DAPK1: variants seen among roughly 807,000 people sequenced by gnomAD.
DAPK1 encodes the protein death associated protein kinase 1.
In DAPK1, 56 loss-of-function variants were observed where a neutral mutation model predicts 144.9. The observed-to-expected ratio is 0.39, with a 90% CI of 0.31 to 0.48. The LOEUF (loss-of-function observed/expected upper bound fraction) is 0.48. DAPK1 is among the 20% of genes least tolerant of loss of function. DAPK1 has a pLI of 0.95. For synonymous variants in DAPK1, 690 were observed against 749.0 expected (o/e 0.92, Z 1.29); for missense variants, 1,454 against 1,875.4 (o/e 0.78, Z 4.15).
chr9:87,683,894 C>T (rs1824734985), intron 20 of DAPK1, among the ~76,000 whole-genome samples: 2 of 152,184 alleles, frequency 1.3e-5, no homozygotes, highest in South Asian at 2.1e-4. Flanking sequence ...CTGTCCTGGT[C>T]CCTGGGCCCC....
chr9:87,669,019 G>A (rs979974449), intron 19 of DAPK1: 25 of 219,914 alleles, frequency 1.1e-4, no homozygotes, highest in African/African-American at 5.5e-4. Flanking sequence ...CAAGATGGCT[G>A]TTAAGCTCCT....
chr9:87,532,087 T>C (rs887539933), intron 2 of DAPK1, among the ~76,000 whole-genome samples: 3 of 152,200 alleles, frequency 2.0e-5, no homozygotes, highest in Admixed American at 6.5e-5. Context: ...GATTTCCTCA[T>C]GTTGGCAATC....
chr9:87,701,897 T>C (rs1380516959), intron 24 of DAPK1: 4 of 470,024 alleles, frequency 8.5e-6, no homozygotes, highest in South Asian at 3.1e-5. Context: ...CATCAGAAGA[T>C]AGGGGGTAGT....
chr9:87,686,209 C>T lies in DAPK1; in HGVS notation c.2225-342C>T, dbSNP rs780475319. ...GCAGGAAGTGAGAAGGGAAGAAACC[C>T]GACCTCTGCCCTCCCACCCTCTCCA... On this transcript the variant is annotated intron_variant, in intron 20 of 25. Coordinates refer to ENST00000408954, the MANE Select transcript of DAPK1 (RefSeq NM_004938.4). The surrounding 1 kb of genome is among the most constrained non-coding windows in gnomAD (Gnocchi z 4.2). Among the ~76,000 whole-genome samples the T allele has an allele frequency of 6.6e-6, 1 of 152,144 alleles. No individual in the cohort carries two copies. The highest frequency in any genetic ancestry group is 1.5e-5 in the Non-Finnish European group (1 of 68,034).
chr9:87,644,237 T>C (rs759282581), intron 11 of DAPK1, among the ~76,000 whole-genome samples: 3 of 152,174 alleles, frequency 2.0e-5, no homozygotes, highest in Non-Finnish European at 2.9e-5. Flanking sequence ...AACTGAAACC[T>C]AATCACAGAT....
intron 2 of DAPK1, among the ~76,000 whole-genome samples, chr9:87,560,207 G>A (rs1826861448): frequency 6.6e-6 from 1 of 151,800 alleles, no homozygotes; most frequent in African/African-American, 2.4e-5. Flanking sequence ...TGTTGACCAG[G>A]GTGGTCTAGA....
At chr9:87,649,184 T>A (rs1165394521) in intron 15 of DAPK1, among the ~76,000 whole-genome samples, 1 of 152,234 alleles carries the variant, frequency 6.6e-6, no homozygotes, top group African/African-American at 2.4e-5. Context: ...AGGGAAAGTT[T>A]CTGTAACTTT....
chr9:87,670,386 C>G (rs1831213191), intron 19 of DAPK1, among the ~76,000 whole-genome samples: 1 of 152,138 alleles, frequency 6.6e-6, no homozygotes, highest in African/African-American at 2.4e-5. Flanking sequence ...GAAGAGAAGT[C>G]TGGTTTTTGC....
intron 2 of DAPK1, among the ~76,000 whole-genome samples, chr9:87,538,060 G>A (rs1394109278): frequency 6.6e-6 from 1 of 152,140 alleles, no homozygotes; most frequent in African/African-American, 2.4e-5. Flanking sequence ...AGGTCAAAAG[G>A]ATTCTAATTA....
chr9:87,620,688 G>C (rs886607366), intron 3 of DAPK1, among the ~76,000 whole-genome samples: 1 of 151,686 alleles, frequency 6.6e-6, no homozygotes, highest in East Asian at 1.9e-4. Context: ...AGAGGACAGG[G>C]AGGAGGAGGA....
In DAPK1 at chr9:87,659,931, A is replaced by G. The variant is rs74751683; in HGVS notation, c.1923+1804A>G. Among the ~76,000 whole-genome samples, 1,261 of 152,240 alleles carry G rather than the reference A, an allele frequency of 8.3e-3. 21 individuals carry two copies. Among genetic ancestry groups the G allele is most frequent in the East Asian group, 0.062 (318 of 5,160 alleles). Reference sequence around the variant, plus strand: ...GGAGACTTCTGGAAATGGGAGAGGGATGCTGACCTGAGAGTCATAGCCGTC... The same window carrying G: ...GGAGACTTCTGGAAATGGGAGAGGGGTGCTGACCTGAGAGTCATAGCCGTC... On this transcript the variant is annotated intron_variant, in intron 18 of 25. Transcript: ENST00000408954.
intron 19 of DAPK1, among the ~76,000 whole-genome samples, chr9:87,676,734 T>TC (rs1360139839): frequency 6.6e-6 from 1 of 152,166 alleles, no homozygotes; most frequent in Non-Finnish European, 1.5e-5. Flanking sequence ...ACAGGTGCAC[T>TC]CCAATATTTC....
At chr9:87,586,094 C>A (rs977627603) in intron 2 of DAPK1, among the ~76,000 whole-genome samples, 10 of 152,118 alleles carry the variant, frequency 6.6e-5, no homozygotes, top group African/African-American at 2.4e-4. Flanking sequence ...GTGAGACCAG[C>A]TTGTGCAATA....
At chr9:87,594,321 C>T (rs1372262543) in intron 2 of DAPK1, among the ~76,000 whole-genome samples, 1 of 152,072 alleles carries the variant, frequency 6.6e-6, no homozygotes, top group African/African-American at 2.4e-5. Flanking sequence ...TGTGTTAGGT[C>T]CTAGGGATGG....
At chr9:87,503,729 A>AT (rs1824491435) in intron 2 of DAPK1, among the ~76,000 whole-genome samples, 1 of 152,226 alleles carries the variant, frequency 6.6e-6, no homozygotes, top group South Asian at 2.1e-4. Context: ...CACTTAGGAT[A>AT]TAATGGCTGC....
chr9:87,520,908 A>G (rs1379798140), intron 2 of DAPK1, among the ~76,000 whole-genome samples: 2 of 152,238 alleles, frequency 1.3e-5, no homozygotes, highest in East Asian at 3.8e-4. Context: ...TCTTTATTAT[A>G]AATTCCATTC....
At chr9:87,580,893 GT>G (rs1345008488) in intron 2 of DAPK1, among the ~76,000 whole-genome samples, 2 of 152,200 alleles carry the variant, frequency 1.3e-5, no homozygotes. Context: ...GACACTTAAT[GT>G]GAATGTTTGA....
At chr9:87,524,397 C>G (rs1109865) in intron 2 of DAPK1, among the ~76,000 whole-genome samples, 13,557 of 152,210 alleles carry the variant, frequency 0.089, 895 homozygotes, top group East Asian at 0.33. Flanking sequence ...CAGGCTGCAG[C>G]GGACATAGAG....
intron 17 of DAPK1, among the ~76,000 whole-genome samples, chr9:87,655,953 G>C (rs1401411773): frequency 6.6e-6 from 1 of 152,232 alleles, no homozygotes; most frequent in African/African-American, 2.4e-5. Flanking sequence ...GGAACTCGTA[G>C]ATGCCAAGGT....
Sources: allele counts gnomAD v4.1 joint callset (sites outside exome capture counted in the v4.1 genomes callset), GRCh38; gene constraint gnomAD v4.1.1; non-coding constraint Gnocchi (gnomAD v3.1); transcripts MANE v1.5; gene names NCBI Gene and HGNC (gene_info 2026-07-23, HGNC 2026-07-21).